FBXL7: variants seen among roughly 807,000 people sequenced by gnomAD.
FBXL7 encodes F-box and leucine rich repeat protein 7.
Under a neutral mutation model 38.3 loss-of-function variants are expected in FBXL7, and 12 were observed. That is an observed-to-expected ratio of 0.31 (90% CI 0.20 to 0.51). The LOEUF is 0.51. Among genes scored for constraint, FBXL7 ranks in the 20% least tolerant of loss-of-function variants. The probability of loss-of-function intolerance (pLI) is 0.98; values close to 1 mark genes in which losing one functional copy is unlikely to be tolerated. For synonymous variants in FBXL7, 297 were observed against 300.9 expected (o/e 0.99, Z 0.13); for missense variants, 567 against 676.4 (o/e 0.84, Z 1.79).
intron 2 of FBXL7, among the ~76,000 whole-genome samples, chr5:15,916,738 A>G (rs539057286): frequency 1.3e-5 from 2 of 152,362 alleles, no homozygotes; most frequent in East Asian, 3.9e-4. Context: ...TATTTTATTA[A>G]CAAAGAGTAA....
intron 2 of FBXL7, among the ~76,000 whole-genome samples, chr5:15,818,196 T>G (rs886456726): frequency 1.7e-4 from 26 of 152,090 alleles, no homozygotes; most frequent in Admixed American, 1.7e-3. Flanking sequence ...ACACTTTTCT[T>G]TACTAGGAGA....
chr5:15,725,189 A>G (rs190366037), intron 2 of FBXL7, among the ~76,000 whole-genome samples: 4 of 152,150 alleles, frequency 2.6e-5, no homozygotes, highest in African/African-American at 9.6e-5. Context: ...CATTTAGTTT[A>G]TACTTCTTTC....
intron 2 of FBXL7, among the ~76,000 whole-genome samples, chr5:15,787,971 C>T (rs1361214384): frequency 6.6e-6 from 1 of 152,178 alleles, no homozygotes; most frequent in Non-Finnish European, 1.5e-5. Flanking sequence ...GTCAACAGTG[C>T]TGTGCTCCCT....
intron 1 of FBXL7, among the ~76,000 whole-genome samples, chr5:15,610,387 G>C (rs76897281): frequency 6.6e-6 from 1 of 152,102 alleles, no homozygotes; most frequent in Admixed American, 6.6e-5. Flanking sequence ...CCTCTTATCT[G>C]GACTTTCCGT....
chr5:15,866,276 T>C (rs546560418), intron 2 of FBXL7, among the ~76,000 whole-genome samples: 2 of 152,334 alleles, frequency 1.3e-5, no homozygotes, highest in South Asian at 4.1e-4. Flanking sequence ...GTGGAATTAT[T>C]AGCTGAGTGA....
In FBXL7 at chr5:15,936,458, A is replaced by G. The variant is rs1742188623; in HGVS notation, c.748A>G (p.Lys250Glu). Residue 250 changes from lysine to glutamate, a missense_variant, in exon 4 of 4, where the codon AAA (lysine) becomes GAA (glutamate). Lys to Glu is a moderately conservative substitution (Grantham distance 56, BLOSUM62 1). Coordinates refer to ENST00000504595, the MANE Select transcript of FBXL7 (RefSeq NM_012304.5). The surrounding 1 kb of genome is among the most constrained non-coding windows in gnomAD (Gnocchi z 6.0). The part of the protein sequence containing the change: ...LEHLDVSGCS[K>E]VTCISLTREA... ...TCTGTCTCTTTGTGCAGGATGCTCC[A>G]AAGTGACCTGCATCAGCTTGACCCG... 6 of 1,612,596 alleles carry G rather than the reference A, an allele frequency of 3.7e-6. No homozygotes were observed. Among genetic ancestry groups the G allele is most frequent in the Non-Finnish European group, 4.2e-6 (5 of 1,179,712 alleles).
intron 2 of FBXL7, among the ~76,000 whole-genome samples, chr5:15,705,843 C>CAAAT (rs573717582): frequency 1.1e-4 from 16 of 150,258 alleles, no homozygotes; most frequent in African/African-American, 3.4e-4. Flanking sequence ...TTTTTTTAAA[C>CAAAT]AAATAAATAA....
At position 15,744,371 on chromosome 5, in the gene FBXL7, T is replaced by C. The variant is rs1289182409; in HGVS notation, c.127+128299T>C. Among the ~76,000 whole-genome samples the C allele has an allele frequency of 3.9e-5, 6 of 152,304 alleles. No homozygotes were observed. The East Asian group carries it at 9.7e-4, about 25-fold the overall frequency. On this transcript the variant is annotated intron_variant, in intron 2 of 3. Coordinates refer to ENST00000504595, the MANE Select transcript of FBXL7 (RefSeq NM_012304.5). ...ACAAAATGCCACCAGTCTCTTTGCA[T>C]AGCAAGAGTGAACTTTACTCCAGTT...
chr5:15,783,067 G>T (rs531558864), intron 2 of FBXL7, among the ~76,000 whole-genome samples: 2 of 152,192 alleles, frequency 1.3e-5, no homozygotes, highest in South Asian at 4.2e-4. Flanking sequence ...TGAAATTTGG[G>T]GGTTTGACAG....
intron 2 of FBXL7, among the ~76,000 whole-genome samples, chr5:15,626,876 T>G (rs1046113355): frequency 1.3e-5 from 2 of 152,194 alleles, no homozygotes; most frequent in African/African-American, 4.8e-5. Context: ...TTTCAGTATC[T>G]TAATTGAGTG....
chr5:15,737,395 A>G (rs1735784193), intron 2 of FBXL7, among the ~76,000 whole-genome samples: 1 of 152,156 alleles, frequency 6.6e-6, no homozygotes, highest in Non-Finnish European at 1.5e-5. Context: ...TAAAATTACA[A>G]ATGCCATAGA....
intron 1 of FBXL7, among the ~76,000 whole-genome samples, chr5:15,548,770 G>A (rs1050290511): frequency 6.6e-6 from 1 of 152,168 alleles, no homozygotes; most frequent in Non-Finnish European, 1.5e-5. Flanking sequence ...TGTAAGAGGT[G>A]GGTAGGGAAA....
At chr5:15,865,624 A>G (rs1334200186) in intron 2 of FBXL7, among the ~76,000 whole-genome samples, 1 of 151,362 alleles carries the variant, frequency 6.6e-6, no homozygotes, top group Non-Finnish European at 1.5e-5. Flanking sequence ...CATTTTGCTT[A>G]CTCCGTTCTT....
intron 2 of FBXL7, among the ~76,000 whole-genome samples, chr5:15,736,556 C>A (rs775193755): frequency 1.3e-5 from 2 of 152,148 alleles, no homozygotes; most frequent in African/African-American, 2.4e-5. Context: ...CAACTATACA[C>A]AAATTATTTC....
chr5:15,889,631 G>A (rs952884946), intron 2 of FBXL7, among the ~76,000 whole-genome samples: 3 of 152,188 alleles, frequency 2.0e-5, no homozygotes, highest in African/African-American at 7.2e-5. Flanking sequence ...TCCAATGCTT[G>A]TGATGTACCC....
At chr5:15,818,739 TGTGTG>T in intron 2 of FBXL7, among the ~76,000 whole-genome samples, 1 of 108,104 alleles carries the variant, frequency 9.3e-6, no homozygotes, top group Non-Finnish European at 1.7e-5. Flanking sequence ...TGTGTGTGTG[TGTGTG>T]AGAGAGAGAG....
At chr5:15,733,871 G>A (rs1735676724) in intron 2 of FBXL7, among the ~76,000 whole-genome samples, 1 of 152,186 alleles carries the variant, frequency 6.6e-6, no homozygotes, top group Non-Finnish European at 1.5e-5. Context: ...CACGTTGGGA[G>A]GCCGAGGCAG....
At chr5:15,714,320 G>T (rs1743970037) in intron 2 of FBXL7, among the ~76,000 whole-genome samples, 1 of 152,254 alleles carries the variant, frequency 6.6e-6, no homozygotes, top group East Asian at 1.9e-4. Flanking sequence ...TGTAAGATGT[G>T]CCTGCTTCCC....
rs901489854 is a variant in FBXL7, at chr5:15,938,848, C to T, written c.*1662C>T. The T allele has an allele frequency of 2.5e-6, 1 of 396,956 alleles. No homozygotes were observed. Among genetic ancestry groups the T allele is most frequent in the African/African-American group, 2.1e-5 (1 of 48,618 alleles). The allele number at this position is 396,956 out of a possible 1,614,324, so 24.6% of individuals were successfully genotyped here. A position where few individuals can be genotyped will look rare whatever the true frequency, so the allele number is the denominator to read the frequency against. On this transcript the variant is annotated 3_prime_UTR_variant, in exon 4 of 4. Transcript: ENST00000504595. ...CCATTGCTGGTTTTCACGAAATTCA[C>T]TTGTCTTTTGCTAATAAACACATGG... is the stretch of plus-strand genomic sequence containing the variant.
Sources: allele counts gnomAD v4.1 joint callset (sites outside exome capture counted in the v4.1 genomes callset), GRCh38; gene constraint gnomAD v4.1.1; non-coding constraint Gnocchi (gnomAD v3.1); transcripts MANE v1.5; gene names NCBI Gene and HGNC (gene_info 2026-07-23, HGNC 2026-07-21).